SLC4A5: variants seen among roughly 807,000 people sequenced by gnomAD.
SLC4A5 encodes the protein solute carrier family 4 member 5.
SLC4A5 carries 96 observed loss-of-function variants against 120.4 expected under a neutral mutation model. That is an observed-to-expected ratio of 0.80 (90% CI 0.68 to 0.94). The LOEUF (loss-of-function observed/expected upper bound fraction) is 0.94. SLC4A5 is among the 40% of genes least tolerant of loss of function. SLC4A5 has a pLI of 0.00. For missense variants in SLC4A5, 1,259 were observed against 1,459.5 expected, an observed-to-expected ratio of 0.86 and a Z score of 2.24; for synonymous variants, 550 against 571.1, an observed-to-expected ratio of 0.96 and a Z score of 0.53.
At chr2:74,233,705 G>C in intron 22 of SLC4A5, 142 bp from the exon 23 acceptor site, 1 of 941,206 alleles carries the variant, frequency 1.1e-6, no homozygotes. Context: ...AAACACCTTA[G>C]GTAGCTGCAA....
At chr2:74,243,697 C>T (rs1400460696) in intron 19 of SLC4A5, among the ~76,000 whole-genome samples, 3 of 152,148 alleles carry the variant, frequency 2.0e-5, no homozygotes, top group Non-Finnish European at 4.4e-5. Flanking sequence ...CTTCAGACCA[C>T]CTTTGATGTC....
chr2:74,323,960 G>T (rs1442163364), intron 5 of SLC4A5, among the ~76,000 whole-genome samples: 1 of 152,208 alleles, frequency 6.6e-6, no homozygotes, highest in East Asian at 1.9e-4. Flanking sequence ...TCTTTGGGAA[G>T]TGGAACTGTG....
chr2:74,328,398 C>T (rs1167918879), intron 4 of SLC4A5, among the ~76,000 whole-genome samples: 1 of 152,158 alleles, frequency 6.6e-6, no homozygotes, highest in Non-Finnish European at 1.5e-5. Flanking sequence ...TAGGCAGATG[C>T]CTTTGCTCTA....
intron 7 of SLC4A5, among the ~76,000 whole-genome samples, chr2:74,295,505 G>A (rs1019178491): frequency 1.3e-5 from 2 of 151,938 alleles, no homozygotes; most frequent in East Asian, 1.9e-4. Context: ...GTGGTGGCGG[G>A]TGCCTGTAGT....
chr2:74,298,783 T>C (rs1672398874), intron 7 of SLC4A5, among the ~76,000 whole-genome samples: 1 of 152,184 alleles, frequency 6.6e-6, no homozygotes, highest in Admixed American at 6.5e-5. Flanking sequence ...CAGTGGCATG[T>C]GCCTGTTGTC....
chr2:74,336,003 C>T (rs1673477841), intron 3 of SLC4A5, among the ~76,000 whole-genome samples: 1 of 152,162 alleles, frequency 6.6e-6, no homozygotes, highest in Admixed American at 6.5e-5. Flanking sequence ...AGGCTCAGGG[C>T]TGACAGCTTT....
chr2:74,329,518 G>C (rs1226063218), intron 4 of SLC4A5, among the ~76,000 whole-genome samples: 2 of 152,178 alleles, frequency 1.3e-5, no homozygotes, highest in Non-Finnish European at 2.9e-5. Flanking sequence ...GAACCCAGGA[G>C]GCGGAGGTTG....
chr2:74,241,249 A>ATATTAT (rs145522219), intron 20 of SLC4A5, among the ~76,000 whole-genome samples: 17,943 of 140,594 alleles, frequency 0.13, 1,609 homozygotes, highest in East Asian at 0.39. Context: ...TGTGCGTGTC[A>ATATTAT]TATTATTATT....
chr2:74,222,251 C>T (rs1050219071), intron 29 of SLC4A5, among the ~76,000 whole-genome samples: 3 of 152,160 alleles, frequency 2.0e-5, no homozygotes, highest in Non-Finnish European at 4.4e-5. Flanking sequence ...TGGTCTGAAA[C>T]AACATAGAAG....
At chr2:74,279,180 C>G (rs994383555) in intron 8 of SLC4A5, among the ~76,000 whole-genome samples, 1 of 152,228 alleles carries the variant, frequency 6.6e-6, no homozygotes, top group African/African-American at 2.4e-5. Flanking sequence ...TAAGAGGCTT[C>G]CTTCACTCCT....
At chr2:74,233,991 A>C (rs947222566) in intron 22 of SLC4A5, among the ~76,000 whole-genome samples, 2 of 152,134 alleles carry the variant, frequency 1.3e-5, no homozygotes, top group Non-Finnish European at 2.9e-5. Context: ...ATTGTCTGTA[A>C]AATGCTGAAC....
At chr2:74,323,820 T>C (rs1261667016) in intron 5 of SLC4A5, among the ~76,000 whole-genome samples, 1 of 152,340 alleles carries the variant, frequency 6.6e-6, no homozygotes, top group South Asian at 2.1e-4. Context: ...ATGTCTGTGG[T>C]TGTAAGATAG....
At chr2:74,222,308 G>A (rs1694678973) in intron 29 of SLC4A5, among the ~76,000 whole-genome samples, 1 of 152,196 alleles carries the variant, frequency 6.6e-6, no homozygotes, top group African/African-American at 2.4e-5. Context: ...GGGGAAAGGA[G>A]GGAATGAGGG....
chr2:74,302,573 C>T (rs775220510), intron 7 of SLC4A5, among the ~76,000 whole-genome samples: 29 of 152,198 alleles, frequency 1.9e-4, no homozygotes, highest in Non-Finnish European at 3.7e-4. Flanking sequence ...GCCGAGATCG[C>T]GCCACTTAAC....
At chr2:74,330,938 AGTTATAGGTGAGGGTGG>A (rs1204633911) in intron 4 of SLC4A5, among the ~76,000 whole-genome samples, 23 of 102,896 alleles carry the variant, frequency 2.2e-4, no homozygotes, top group East Asian at 1.2e-3. Context: ...GTAGGTGGTG[AGTTATAGGTGAGGGTGG>A]TGAGGTGTAG....
chr2:74,254,583 A>G, intron 14 of SLC4A5, 36 bp downstream of exon 14: 4 of 1,546,298 alleles, frequency 2.6e-6, no homozygotes, highest in Non-Finnish European at 3.6e-6. Flanking sequence ...CAGGAGCTGT[A>G]AAATTCAGGA....
exon 17 of SLC4A5, chr2:74,250,510 C>A: frequency 6.2e-7 from 1 of 1,614,120 alleles, no homozygotes; most frequent in African/African-American, 1.3e-5. Flanking sequence ...CACAGGCCAC[C>A]GAAGAACCTG....
At chr2:74,329,895 G>GAGATGT in intron 4 of SLC4A5, among the ~76,000 whole-genome samples, 1 of 151,982 alleles carries the variant, frequency 6.6e-6, no homozygotes, top group African/African-American at 2.4e-5. Flanking sequence ...TGGAAGTGAT[G>GAGATGT]AGATGTAGAT....
chr2:74,295,219 G>A (rs191042497), intron 7 of SLC4A5, among the ~76,000 whole-genome samples: 2 of 152,002 alleles, frequency 1.3e-5, no homozygotes, highest in African/African-American at 4.8e-5. Context: ...GCAGTGATGG[G>A]GGGTGGGAGT....
Sources: gnomAD v4.1 joint callset for allele counts (sites outside exome capture counted in the v4.1 genomes callset) on GRCh38, gnomAD v4.1.1 for gene constraint, MANE v1.5 for transcripts, NCBI Gene and HGNC (gene_info 2026-07-23, HGNC 2026-07-21) for gene names.